Variants in CCDC192 observed in about 807,000 individuals in gnomAD.
CCDC192 encodes coiled-coil domain-containing protein 192.
At chr5:127,734,672 GGC>G (rs1432455828) in intron 2 of CCDC192, among the ~76,000 whole-genome samples, 1 of 145,210 alleles carries the variant, frequency 6.9e-6, no homozygotes, top group Non-Finnish European at 1.5e-5. Context: ...TTTCTCTGAT[GGC>G]CAGTGATGGT....
At chr5:127,747,082 A>G (rs1007572206) in intron 2 of CCDC192, among the ~76,000 whole-genome samples, 9 of 144,160 alleles carry the variant, frequency 6.2e-5, no homozygotes, top group Admixed American at 6.2e-4. Context: ...TTTTTTTTTT[A>G]TTTCTTGTTT....
chr5:127,757,782 A>ACACACACACG (rs746997427), intron 3 of CCDC192, among the ~76,000 whole-genome samples: 1,762 of 94,004 alleles, frequency 0.019, 18 homozygotes, highest in African/African-American at 0.036. Context: ...ACACACACAC[A>ACACACACACG]CACACACACA....
At chr5:127,780,529 A>T (rs1416337373) in intron 3 of CCDC192, among the ~76,000 whole-genome samples, 1 of 152,094 alleles carries the variant, frequency 6.6e-6, no homozygotes, top group Non-Finnish European at 1.5e-5. Flanking sequence ...CAGGAGTAGG[A>T]TGATGTTGCA....
In CCDC192 at chr5:127,830,199, G is replaced by GT. The variant is rs1749722135; in HGVS notation, c.411+32038dup. Among the ~76,000 whole-genome samples the GT allele has an allele frequency of 3.9e-5, 6 of 152,242 alleles. No homozygotes were observed. In the South Asian group the frequency reaches 1.2e-3, roughly 32 times the overall value. On this transcript the variant is annotated intron_variant, in intron 5 of 6. Coordinates refer to ENST00000514853, the MANE Select transcript of CCDC192 (RefSeq NM_001317938.2). ...AATCAAGGATTCCTGTAGCACGTGT[G>GT]TGTCTTTTTCTGGTTGATTTTTAGT...
At position 127,839,629 on chromosome 5, in the gene CCDC192, G is replaced by A. The variant is rs75394114; in HGVS notation, c.412-35909G>A. On this transcript the variant is annotated intron_variant, in intron 5 of 6. Transcript: ENST00000514853. Reference sequence around the variant, plus strand: ...TATAAAGATATAATTATGGAGAAAAGTGGCAAGTACCATTACACAACATTG... The same window carrying A: ...TATAAAGATATAATTATGGAGAAAAATGGCAAGTACCATTACACAACATTG... Among the ~76,000 whole-genome samples, 21 of 152,148 alleles carry A rather than the reference G, an allele frequency of 1.4e-4. No individual in the cohort carries two copies. The East Asian group carries it at 3.9e-3, about 28-fold the overall frequency.
intron 6 of CCDC192, among the ~76,000 whole-genome samples, chr5:127,920,716 A>G (rs1267582694): frequency 6.6e-6 from 1 of 151,910 alleles, no homozygotes; most frequent in Non-Finnish European, 1.5e-5. Flanking sequence ...CGGCTGCTAA[A>G]GAGGTATTAA....
chr5:127,881,527 T>G (rs1561537531), intron 6 of CCDC192, among the ~76,000 whole-genome samples: 1 of 152,190 alleles, frequency 6.6e-6, no homozygotes, highest in African/African-American at 2.4e-5. Flanking sequence ...TTCCAAAATA[T>G]TAGGAATATT....
At chr5:127,785,536 G>A in intron 3 of CCDC192, 1 of 173,576 alleles carries the variant, frequency 5.8e-6, no homozygotes, top group Non-Finnish European at 1.3e-5. Context: ...GTAGTTATCG[G>A]CAATTCACAG....
intron 5 of CCDC192, among the ~76,000 whole-genome samples, chr5:127,801,664 A>G (rs114035254): frequency 6.6e-6 from 1 of 152,066 alleles, no homozygotes; most frequent in Non-Finnish European, 1.5e-5. Context: ...TTATGTACCA[A>G]CTTCTCCCTT....
At chr5:127,861,818 C>A (rs1295664933) in intron 5 of CCDC192, among the ~76,000 whole-genome samples, 1 of 152,168 alleles carries the variant, frequency 6.6e-6, no homozygotes, top group African/African-American at 2.4e-5. Context: ...AACATCAAGG[C>A]ACTTGCCTCA....
chr5:127,728,585 C>T (rs1016726982), intron 2 of CCDC192, among the ~76,000 whole-genome samples: 1 of 152,206 alleles, frequency 6.6e-6, no homozygotes, highest in Non-Finnish European at 1.5e-5. Context: ...CCAGCCACTA[C>T]AAAAACACAC....
intron 5 of CCDC192, among the ~76,000 whole-genome samples, chr5:127,867,350 T>C (rs1417787863): frequency 6.6e-6 from 1 of 152,224 alleles, no homozygotes; most frequent in Non-Finnish European, 1.5e-5. Flanking sequence ...GTTATTGCTC[T>C]TCATTATTTT....
intron 6 of CCDC192, among the ~76,000 whole-genome samples, chr5:127,883,607 C>T (rs915847710): frequency 2.0e-5 from 3 of 152,230 alleles, no homozygotes; most frequent in African/African-American, 7.2e-5. Context: ...GATTTCAGAA[C>T]TTCCCGCAAG....
intron 6 of CCDC192, among the ~76,000 whole-genome samples, chr5:127,876,944 A>G (rs1330653390): frequency 1.3e-5 from 2 of 152,234 alleles, no homozygotes; most frequent in Admixed American, 6.5e-5. Flanking sequence ...ATTTGCTTTT[A>G]CCACCATGAA....
chr5:127,929,104 C>G (rs1212335394), intron 6 of CCDC192, among the ~76,000 whole-genome samples: 6 of 152,176 alleles, frequency 3.9e-5, no homozygotes, highest in Non-Finnish European at 8.8e-5. Flanking sequence ...GGCCACCACT[C>G]AGAGAATATG....
At chr5:127,867,287 GT>G (rs902602677) in intron 5 of CCDC192, among the ~76,000 whole-genome samples, 2 of 152,186 alleles carry the variant, frequency 1.3e-5, no homozygotes, top group Admixed American at 1.3e-4. Context: ...CTTCAGTCAA[GT>G]TCAAAGGGAG....
chr5:127,818,643 G>A (rs1003974064), intron 5 of CCDC192, among the ~76,000 whole-genome samples: 50 of 152,236 alleles, frequency 3.3e-4, no homozygotes, highest in African/African-American at 1.2e-3. Flanking sequence ...GGGTGGAGCT[G>A]GAGACTGCTC....
At chr5:127,702,454 T>A (rs369099840), upstream of CCDC192, among the ~76,000 whole-genome samples, 29 of 152,324 alleles carry the variant, frequency 1.9e-4, no homozygotes, top group African/African-American at 7.0e-4. Flanking sequence ...GGGTTTTTTT[T>A]ACCAAGGGGC....
At chr5:127,904,318 G>A (rs1753138698) in intron 6 of CCDC192, among the ~76,000 whole-genome samples, 1 of 152,120 alleles carries the variant, frequency 6.6e-6, no homozygotes, top group African/African-American at 2.4e-5. Flanking sequence ...GAGCTGTAAG[G>A]TAATGAATGT....
Sources: allele counts gnomAD v4.1 joint callset (sites outside exome capture counted in the v4.1 genomes callset), GRCh38; gene constraint gnomAD v4.1.1; transcripts MANE v1.5; gene names NCBI Gene and HGNC (gene_info 2026-07-23, HGNC 2026-07-21).